The following FXN variants were observed in gnomAD, a reference collection of about 807,000 sequenced individuals.
FXN encodes the protein frataxin, mitochondrial.
A neutral mutation model predicts 22.4 loss-of-function variants in FXN; 14 were observed. The observed-to-expected ratio is 0.62, with a 90% confidence interval of 0.41 to 0.98. The LOEUF (loss-of-function observed/expected upper bound fraction) is 0.98, where lower values mean the gene tolerates loss of function less well. FXN is among the 50% of genes least tolerant of loss of function. The pLI is 0.00. For synonymous variants in FXN, 120 were observed against 114.1 expected, an observed-to-expected ratio of 1.05 and a Z score of -0.33; for missense variants, 267 against 268.4, an observed-to-expected ratio of 0.99 and a Z score of 0.04.
At chr9:69,038,446 G>GAA (rs776815324) in intron 1 of FXN, among the ~76,000 whole-genome samples, 4 of 149,888 alleles carry the variant, frequency 2.7e-5, no homozygotes, top group Admixed American at 6.6e-5. Flanking sequence ...TAGTTAAAAA[G>GAA]AAAAAAAAAT....
At chr9:69,046,606 C>G in intron 2 of FXN, 124 bp downstream of exon 2, 1 of 716,888 alleles carries the variant, frequency 1.4e-6, no homozygotes. Flanking sequence ...GACTGAGTAT[C>G]CACCACATTA....
intron 1 of FXN, chr9:69,043,541 C>G (rs372043754): frequency 2.0e-5 from 3 of 152,214 alleles, no homozygotes; most frequent in African/African-American, 7.2e-5. Context: ...ACCTCGGCCT[C>G]CTGAGTAGCT....
At position 69,077,763 on chromosome 9, in the gene FXN, C is replaced by A. The variant is rs994502210; in HGVS notation, c.*5001C>A. Reference sequence around the variant, plus strand: ...TGGTCAACATGGTAAAACCCCGCCTCTACTAAAAATACAAAAATTAGCTGG... The same window carrying A: ...TGGTCAACATGGTAAAACCCCGCCTATACTAAAAATACAAAAATTAGCTGG... On this transcript the variant is annotated 3_prime_UTR_variant, in exon 5 of 5. Coordinates refer to ENST00000484259, the MANE Select transcript of FXN (RefSeq NM_000144.5). 4.3e-4 allele frequency: 291 copies of A among 676,004 alleles called. No homozygotes were observed. Among genetic ancestry groups the A allele is most frequent in the Non-Finnish European group, 5.0e-4 (276 of 547,704 alleles). The allele number at this position is 676,004 out of a possible 1,614,324, so 41.9% of individuals were successfully genotyped here. A position where few individuals can be genotyped will look rare whatever the true frequency, so the allele number is the denominator to read the frequency against.
chr9:69,036,756 T>C (rs1291875719), intron 1 of FXN, among the ~76,000 whole-genome samples: 4 of 152,144 alleles, frequency 2.6e-5, no homozygotes, highest in Non-Finnish European at 4.4e-5. Context: ...CAAAGAAATA[T>C]CTGACCCAGT....
chr9:69,056,572 A>G (rs540946238), intron 3 of FXN, among the ~76,000 whole-genome samples: 1 of 152,264 alleles, frequency 6.6e-6, no homozygotes, highest in South Asian at 2.1e-4. Flanking sequence ...GGCAGCTGTG[A>G]GCCATGATCG....
rs888668598 is a variant in FXN, at chr9:69,075,136, C to T, written c.*2374C>T. ...CTCTAATTGGTTTGATTATCTCGTT[C>T]CCAAGGCAGTGGGAGATCCCCATTT... is the stretch of plus-strand genomic sequence containing the variant. On this transcript the variant is annotated 3_prime_UTR_variant, in exon 5 of 5. Coordinates refer to ENST00000484259, the MANE Select transcript of FXN (RefSeq NM_000144.5). The T allele has an allele frequency of 2.8e-5, 28 of 985,230 alleles. No homozygotes were observed. Among genetic ancestry groups the T allele is most frequent in the Middle Eastern group, 1.0e-3 (2 of 1,938 alleles). The allele number at this position is 985,230 out of a possible 1,614,324, so 61.0% of individuals were successfully genotyped here. A position where few individuals can be genotyped will look rare whatever the true frequency, so the allele number is the denominator to read the frequency against.
At chr9:69,067,038 G>C (rs1587829133) in intron 4 of FXN, among the ~76,000 whole-genome samples, 1 of 152,244 alleles carries the variant, frequency 6.6e-6, no homozygotes, top group African/African-American at 2.4e-5. Flanking sequence ...CGCCGGATGG[G>C]AGTCGGGGGA....
chr9:69,049,663 A>G (rs775175487), intron 2 of FXN, among the ~76,000 whole-genome samples: 9 of 152,210 alleles, frequency 5.9e-5, no homozygotes, highest in Non-Finnish European at 1.0e-4. Flanking sequence ...TTTACATGCC[A>G]TAAAACTAAC....
chr9:69,074,439 C>G lies in FXN; in HGVS notation c.*1677C>G, dbSNP rs116944579. The G allele has an allele frequency of 1.0e-6, 1 of 978,308 alleles. No individual in the cohort carries two copies. The highest frequency in any genetic ancestry group is 1.2e-6 in the Non-Finnish European group (1 of 824,244). The allele number at this position is 978,308 out of a possible 1,614,324, so 60.6% of individuals were successfully genotyped here. ...ATCCCAGGTACTCAGGAGGCTGAGA[C>G]GGGAGAATTGCTTGACCCCAGGCGG... On this transcript the variant is annotated 3_prime_UTR_variant, in exon 5 of 5. Transcript: ENST00000484259.
Position 69,073,919 on chromosome 9 carries a change from C to T in FXN, c.*1157C>T. On this transcript the variant is annotated 3_prime_UTR_variant, in exon 5 of 5. Coordinates refer to ENST00000484259, the MANE Select transcript of FXN (RefSeq NM_000144.5). ...CCATCCTTGGCCTGGCGCGGTGGCT[C>T]ACACCTGTAATCCCAGCACTTTTGG... 1.0e-6 allele frequency: 1 copy of T among 979,184 alleles called. No individual in the cohort carries two copies. The highest frequency in any genetic ancestry group is 1.2e-6 in the Non-Finnish European group (1 of 824,306). 60.7% of individuals were successfully genotyped at this position (979,184 alleles called of 1,614,324 possible). A position where few individuals can be genotyped will look rare whatever the true frequency, so the allele number is the denominator to read the frequency against.
intron 2 of FXN, among the ~76,000 whole-genome samples, chr9:69,052,612 G>A (rs539770422): frequency 2.7e-4 from 39 of 146,352 alleles, no homozygotes; most frequent in Admixed American, 2.2e-3. Context: ...GCGCAATCTC[G>A]GCTCACTGCA....
chr9:69,064,673 C>G (rs1409644016), intron 3 of FXN, among the ~76,000 whole-genome samples: 2 of 152,202 alleles, frequency 1.3e-5, no homozygotes, highest in Admixed American at 6.5e-5. Flanking sequence ...GCTTCACCAC[C>G]ATTCTCACCT....
chr9:69,062,925 G>A lies in FXN; in HGVS notation c.385-2013G>A, dbSNP rs543118740. Among the ~76,000 whole-genome samples the A allele has an allele frequency of 3.3e-5, 5 of 152,064 alleles. No individual in the cohort carries two copies. The East Asian group carries it at 9.6e-4, about 29-fold the overall frequency. ...AAAAAAAATGGGGCCGAGTGCAGTAGCTCACACCTGTAACATAATCCCAGC... is the reference window on the plus strand; with the variant it reads ...AAAAAAAATGGGGCCGAGTGCAGTAACTCACACCTGTAACATAATCCCAGC... On this transcript the variant is annotated intron_variant, in intron 3 of 4. Coordinates refer to ENST00000484259, the MANE Select transcript of FXN (RefSeq NM_000144.5).
In FXN at chr9:69,076,217, G is replaced by GTT. The variant is rs11310316; in HGVS notation, c.*3468_*3469dup. 1.8e-5 allele frequency: 15 copies of GTT among 836,808 alleles called. No homozygotes were observed. The highest frequency in any genetic ancestry group is 7.4e-5 in the African/African-American group (3 of 40,376). The allele number at this position is 836,808 out of a possible 1,614,324, so 51.8% of individuals were successfully genotyped here. A position where few individuals can be genotyped will look rare whatever the true frequency, so the allele number is the denominator to read the frequency against. On this transcript the variant is annotated 3_prime_UTR_variant, in exon 5 of 5. Transcript: ENST00000484259. ...TTGTAGACACTGACAGTGGCCTCAT[G>GTT]TTTTTTTTTTTTTTAATCTATAAAA...
chr9:69,057,994 T>G (rs565437560), intron 3 of FXN, among the ~76,000 whole-genome samples: 1 of 152,356 alleles, frequency 6.6e-6, no homozygotes, highest in African/African-American at 2.4e-5. Flanking sequence ...AAATATTGAT[T>G]CATATGTAAA....
chr9:69,073,378 T>A lies in FXN; in HGVS notation c.*616T>A. On this transcript the variant is annotated 3_prime_UTR_variant, in exon 5 of 5. Coordinates refer to ENST00000484259, the MANE Select transcript of FXN (RefSeq NM_000144.5). ...GTCCAGGGAGACCTAGTGCTGTTTC[T>A]CCCACATATTCACATACGTGTCTGT... The A allele has an allele frequency of 1.0e-6, 1 of 987,146 alleles. No homozygotes were observed. The allele number at this position is 987,146 out of a possible 1,614,324, so 61.1% of individuals were successfully genotyped here. A position where few individuals can be genotyped will look rare whatever the true frequency, so the allele number is the denominator to read the frequency against.
intron 2 of FXN, among the ~76,000 whole-genome samples, chr9:69,050,206 T>C (rs1002438875): frequency 2.6e-5 from 4 of 152,262 alleles, no homozygotes; most frequent in African/African-American, 9.6e-5. Context: ...GTGAGATTCA[T>C]CCATGCTGTT....
intron 3 of FXN, among the ~76,000 whole-genome samples, chr9:69,060,130 A>G (rs1374983803): frequency 1.3e-5 from 2 of 152,150 alleles, no homozygotes; most frequent in African/African-American, 4.8e-5. Flanking sequence ...GCACTTTGGG[A>G]GGCCAAGGCG....
At chr9:69,055,890 T>G (rs1200519864) in intron 3 of FXN, among the ~76,000 whole-genome samples, 2 of 151,434 alleles carry the variant, frequency 1.3e-5, no homozygotes, top group East Asian at 1.9e-4. Context: ...GTATTTAGTA[T>G]TATTATTTTT....
Sources: allele counts gnomAD v4.1 joint callset (sites outside exome capture counted in the v4.1 genomes callset), GRCh38; gene constraint gnomAD v4.1.1; transcripts MANE v1.5; gene names NCBI Gene and HGNC (gene_info 2026-07-23, HGNC 2026-07-21).